The following MSANTD7 variants were observed in gnomAD, a reference collection of about 807,000 sequenced individuals.
MSANTD7 encodes the protein zinc finger and SCAN domain containing 29.
the MSANTD7 span, among the ~76,000 whole-genome samples, chr10:14,840,466 G>T: frequency 6.6e-6 from 1 of 152,136 alleles, no homozygotes; most frequent in Non-Finnish European, 1.5e-5. Flanking sequence ...CAAAGATTTT[G>T]TGGGAATTTG....
chr10:14,846,982 A>C, the MSANTD7 span: 1 of 985,384 alleles, frequency 1.0e-6, no homozygotes, highest in Non-Finnish European at 1.2e-6. Context: ...GGACAAATAA[A>C]GTTTTCACTT....
chr10:14,846,275 G>A, the MSANTD7 span: 5,946 of 985,356 alleles, frequency 6.0e-3, 28 homozygotes, highest in Middle Eastern at 0.017. Context: ...AGTACTTGAC[G>A]GAGAGTTAGG....
chr10:14,841,949 C>A, the MSANTD7 span, among the ~76,000 whole-genome samples: 1 of 152,206 alleles, frequency 6.6e-6, no homozygotes, highest in Non-Finnish European at 1.5e-5. Context: ...AGCATTTGGC[C>A]TTTTTGTTAC....
the MSANTD7 span, chr10:14,839,989 C>G: frequency 1.9e-6 from 3 of 1,601,628 alleles, no homozygotes; most frequent in East Asian, 6.7e-5. Flanking sequence ...TGAAGAGGTA[C>G]TAGTCCCCCC....
chr10:14,842,733 A>C, the MSANTD7 span: 2 of 1,536,600 alleles, frequency 1.3e-6, no homozygotes, highest in Non-Finnish European at 1.7e-6. This position sits in a 1 kb window ranked among gnomAD's most constrained non-coding sequence, Gnocchi z 5.2. Flanking sequence ...GCTGATCATC[A>C]GCCTATCTTG....
the MSANTD7 span, chr10:14,838,384 C>T: frequency 2.5e-6 from 4 of 1,595,646 alleles, no homozygotes; most frequent in African/African-American, 5.3e-5. Context: ...ATTCCTGCCG[C>T]TGCCGTCCCT....
the MSANTD7 span, chr10:14,838,482 T>C: frequency 1.3e-6 from 2 of 1,585,120 alleles, no homozygotes; most frequent in Non-Finnish European, 1.7e-6. Context: ...GGAGCTGGGC[T>C]AGGGCTTCAT....
chr10:14,842,074 T>C, the MSANTD7 span: 1 of 1,317,140 alleles, frequency 7.6e-7, no homozygotes, highest in Non-Finnish European at 1.0e-6. This position sits in a 1 kb window ranked among gnomAD's most constrained non-coding sequence, Gnocchi z 5.2. Flanking sequence ...ACCACTTAAC[T>C]TGCTGCCAAA....
the MSANTD7 span, chr10:14,843,295 C>T: frequency 6.6e-6 from 10 of 1,522,654 alleles, no homozygotes; most frequent in Non-Finnish European, 8.0e-6. Flanking sequence ...TATAATTTGT[C>T]TCAGCTCTGC....
At chr10:14,844,162 T>C in the MSANTD7 span, 24 of 1,281,192 alleles carry the variant, frequency 1.9e-5, no homozygotes, top group Non-Finnish European at 2.4e-5. Flanking sequence ...GTCACAGATG[T>C]GAAGCAGTTT....
chr10:14,842,727 A>G, the MSANTD7 span: 17 of 1,536,538 alleles, frequency 1.1e-5, no homozygotes, highest in Non-Finnish European at 1.5e-5. This position sits in a 1 kb window ranked among gnomAD's most constrained non-coding sequence, Gnocchi z 5.2. Context: ...CAGGCAGCTG[A>G]TCATCAGCCT....
the MSANTD7 span, among the ~76,000 whole-genome samples, chr10:14,841,934 A>G: frequency 6.6e-6 from 1 of 152,190 alleles, no homozygotes; most frequent in African/African-American, 2.4e-5. Flanking sequence ...ACTCTCAGCC[A>G]TGAAAGCATT....
the MSANTD7 span, chr10:14,846,108 C>T: frequency 1.0e-6 from 1 of 982,988 alleles, no homozygotes; most frequent in Non-Finnish European, 1.2e-6. Context: ...AAGTGCCACA[C>T]CAGACATATA....
chr10:14,843,860 T>G, the MSANTD7 span: 2 of 1,536,470 alleles, frequency 1.3e-6, no homozygotes, highest in South Asian at 1.2e-5. Flanking sequence ...CTTGAAAAAT[T>G]GCTTCAGAGG....
the MSANTD7 span, chr10:14,844,069 T>TGGAA: frequency 7.0e-7 from 1 of 1,428,712 alleles, no homozygotes; most frequent in Non-Finnish European, 9.1e-7. Flanking sequence ...CTCCACCAAA[T>TGGAA]GGAAGACCTT....
chr10:14,845,574 C>A, the MSANTD7 span: 1 of 961,890 alleles, frequency 1.0e-6, no homozygotes, highest in Non-Finnish European at 1.2e-6. Context: ...TCAGACAAAT[C>A]ACTTGCCCTT....
At chr10:14,845,240 G>A in the MSANTD7 span, 3 of 985,032 alleles carry the variant, frequency 3.0e-6, no homozygotes, top group Non-Finnish European at 3.6e-6. Flanking sequence ...GATTTACTTA[G>A]TACTTTTAGG....
At chr10:14,843,451 A>T in the MSANTD7 span, 2 of 1,550,676 alleles carry the variant, frequency 1.3e-6, no homozygotes, top group Non-Finnish European at 1.7e-6. Context: ...GAGCAGCCCC[A>T]TGGCCAGACT....
At chr10:14,840,036 A>G in the MSANTD7 span, 2 of 1,329,822 alleles carry the variant, frequency 1.5e-6, no homozygotes, top group Non-Finnish European at 1.0e-6. Flanking sequence ...AATTACATAC[A>G]TTGTAATATA....
Sources: allele counts gnomAD v4.1 joint callset (sites outside exome capture counted in the v4.1 genomes callset), GRCh38; gene constraint gnomAD v4.1.1; non-coding constraint Gnocchi (gnomAD v3.1); transcripts MANE v1.5; gene names NCBI Gene and HGNC (gene_info 2026-07-23, HGNC 2026-07-21).